EXOC4: variants seen among roughly 807,000 people sequenced by gnomAD.
The protein encoded by EXOC4 is exocyst complex component 4, also known as SEC8-like 1.
Under a neutral mutation model 107.2 loss-of-function variants are expected in EXOC4, and 71 were observed. The ratio of observed to expected loss-of-function variants is 0.66; its 90% CI spans 0.55 to 0.81. The LOEUF is 0.81. Ranked by LOEUF, EXOC4 falls within the 30% of genes least tolerant of loss-of-function variation. EXOC4 has a pLI of 0.00. For synonymous variants in EXOC4, 456 were observed against 441.2 expected, an observed-to-expected ratio of 1.03 and a Z score of -0.42; for missense variants, 1,108 against 1,189.6, an observed-to-expected ratio of 0.93 and a Z score of 1.01.
intron 11 of EXOC4, among the ~76,000 whole-genome samples, chr7:133,834,454 G>A (rs1347146846): frequency 6.6e-6 from 1 of 152,200 alleles, no homozygotes; most frequent in Non-Finnish European, 1.5e-5. Context: ...AAAGGGTATG[G>A]GGCAGGACTT....
At chr7:133,496,330 G>T (rs1799476498) in intron 9 of EXOC4, among the ~76,000 whole-genome samples, 1 of 151,930 alleles carries the variant, frequency 6.6e-6, no homozygotes, top group Non-Finnish European at 1.5e-5. Flanking sequence ...ATCACACCTG[G>T]CCAATTTTAG....
chr7:133,817,341 G>T lies in EXOC4; in HGVS notation c.1531G>T (p.Glu511Ter), dbSNP rs1446936793. 1.2e-6 allele frequency: 2 copies of T among 1,613,406 alleles called. No individual in the cohort carries two copies. Among genetic ancestry groups the T allele is most frequent in the South Asian group, 2.2e-5 (2 of 90,978 alleles). Residue 511 changes from glutamate (E) to a stop codon, truncating the protein, a stop_gained, in exon 11 of 18, where the codon GAG becomes TAG. Transcript: ENST00000253861. LOFTEE classifies it high-confidence loss of function. ...HPLLRFIQEI[E>*]HALGLGPAKQ... The stretch of plus-strand genomic sequence containing the variant: ...GTCCTCCAGATTTATTCAGGAGATT[G>T]AGCATGCTCTGGGTCTTGGCCCAGC...
intron 10 of EXOC4, among the ~76,000 whole-genome samples, chr7:133,781,666 A>G (rs761265166): frequency 3.3e-5 from 5 of 152,186 alleles, no homozygotes; most frequent in African/African-American, 9.7e-5. Flanking sequence ...GGAGAGATTG[A>G]TATGTCCCCA....
intron 13 of EXOC4, among the ~76,000 whole-genome samples, chr7:133,929,769 C>T (rs553302018): frequency 6.6e-6 from 1 of 152,082 alleles, no homozygotes; most frequent in South Asian, 2.1e-4. Flanking sequence ...CCCTTCTTTG[C>T]GTCAATGTGT....
At position 133,309,842 on chromosome 7, in the gene EXOC4, T is replaced by C. The variant is rs577624397; in HGVS notation, c.656+3781T>C. The stretch of plus-strand genomic sequence containing the variant: ...GTAGTCCCAGCTACTCAGGAGGCTG[T>C]GGCAGGAGACTCACTTGAACCCAGG... On this transcript the variant is annotated intron_variant, in intron 4 of 17. Transcript: ENST00000253861. Among the ~76,000 whole-genome samples the C allele has an allele frequency of 4.6e-5, 7 of 152,074 alleles. No individual in the cohort carries two copies. In the East Asian group the frequency reaches 1.4e-3, roughly 30 times the overall value.
intron 11 of EXOC4, 97 bp from the exon 12 acceptor site, chr7:133,895,502 C>A: frequency 8.0e-7 from 1 of 1,252,520 alleles, no homozygotes; most frequent in Non-Finnish European, 1.1e-6. Flanking sequence ...CAGGAGAGCT[C>A]AGGTACCTTA....
rs1056508595 is a variant in EXOC4, at chr7:134,051,541, A to G, written c.2688-12750A>G. ...CAAAAAATTAGCTGGGTGTGGTGGCACATGCCTGTAATCCCAGCTACTCCG... is the reference window on the plus strand; with the variant it reads ...CAAAAAATTAGCTGGGTGTGGTGGCGCATGCCTGTAATCCCAGCTACTCCG... On this transcript the variant is annotated intron_variant, in intron 17 of 17. Coordinates refer to ENST00000253861, the MANE Select transcript of EXOC4 (RefSeq NM_021807.4). Among the ~76,000 whole-genome samples the G allele has an allele frequency of 7.9e-5, 12 of 151,940 alleles. 1 individual carries two copies. The highest frequency in any genetic ancestry group is 1.3e-4 in the Admixed American group (2 of 15,266).
At chr7:134,038,874 G>A (rs1465762910) in intron 17 of EXOC4, among the ~76,000 whole-genome samples, 1 of 152,162 alleles carries the variant, frequency 6.6e-6, no homozygotes, top group Non-Finnish European at 1.5e-5. Flanking sequence ...AGGATGCTGA[G>A]AATCAAGATG....
At chr7:134,096,907 C>G in the EXOC4 span, among the ~76,000 whole-genome samples, 1 of 151,952 alleles carries the variant, frequency 6.6e-6, no homozygotes, top group Non-Finnish European at 1.5e-5. Context: ...AGGAACAATA[C>G]TTTGCATTCT....
At chr7:133,833,913 A>G (rs572633072) in intron 11 of EXOC4, among the ~76,000 whole-genome samples, 1 of 152,146 alleles carries the variant, frequency 6.6e-6, no homozygotes, top group Non-Finnish European at 1.5e-5. Flanking sequence ...GGCCAGTTAG[A>G]ACCTCACTTA....
chr7:134,012,549 G>T (rs192832568), intron 17 of EXOC4, among the ~76,000 whole-genome samples: 8 of 152,260 alleles, frequency 5.3e-5, no homozygotes, highest in Non-Finnish European at 8.8e-5. Flanking sequence ...AGGGCGGAGA[G>T]GGGGTTCAGA....
At position 133,604,710 on chromosome 7, in the gene EXOC4, C is replaced by CTTTT. The variant is rs61548710; in HGVS notation, c.1418-25307_1418-25304dup. Among the ~76,000 whole-genome samples the CTTTT allele has an allele frequency of 6.9e-3, 349 of 50,314 alleles. 8 individuals are homozygous for CTTTT. Among genetic ancestry groups the CTTTT allele is most frequent in the Non-Finnish European group, 7.3e-3 (212 of 29,014 alleles). 33.0% of individuals were successfully genotyped at this position (50,314 alleles called of 152,430 possible). On this transcript the variant is annotated intron_variant, in intron 9 of 17. Coordinates refer to ENST00000253861, the MANE Select transcript of EXOC4 (RefSeq NM_021807.4). The stretch of plus-strand genomic sequence containing the variant: ...TCTTTCCTTCCTTCCTTCCTTCTTT[C>CTTTT]TTTTTTTTTTTTTTTTTTTTTTTTT...
chr7:133,564,438 A>AT (rs1183333519), intron 9 of EXOC4, among the ~76,000 whole-genome samples: 1 of 151,996 alleles, frequency 6.6e-6, no homozygotes, highest in African/African-American at 2.4e-5. Context: ...GGGGAGTAAA[A>AT]TTTTTCTACA....
chr7:134,079,965 T>C, the EXOC4 span, among the ~76,000 whole-genome samples: 2 of 152,216 alleles, frequency 1.3e-5, no homozygotes, highest in East Asian at 3.9e-4. Flanking sequence ...CCTTGGACTC[T>C]GATCACGCCA....
intron 10 of EXOC4, among the ~76,000 whole-genome samples, chr7:133,792,553 CAAAAAAAAA>C (rs56408972): frequency 1.8e-4 from 13 of 73,580 alleles, no homozygotes; most frequent in African/African-American, 6.3e-4. Flanking sequence ...ACCCTGTCTC[CAAAAAAAAA>C]AAAAAAAAAA....
chr7:133,756,494 A>G (rs750840956), intron 10 of EXOC4, among the ~76,000 whole-genome samples: 1 of 152,226 alleles, frequency 6.6e-6, no homozygotes, highest in Non-Finnish European at 1.5e-5. Context: ...GATACTCTGA[A>G]TGTTATAATC....
chr7:133,831,625 A>G lies in EXOC4; in HGVS notation c.1734+14081A>G, dbSNP rs116054165. Among the ~76,000 whole-genome samples the G allele has an allele frequency of 2.4e-3, 359 of 150,066 alleles. 5 individuals carry two copies. The highest frequency in any genetic ancestry group is 8.2e-3 in the African/African-American group (335 of 40,654). On this transcript the variant is annotated intron_variant, in intron 11 of 17. Transcript: ENST00000253861. The stretch of plus-strand genomic sequence containing the variant: ...ACAAGGTGCTCCTGGCTCATCTTGT[A>G]TATTGCCTGCCCCAGCCCTAGAATC...
chr7:133,501,188 C>T (rs920232955), intron 9 of EXOC4, among the ~76,000 whole-genome samples: 2 of 152,096 alleles, frequency 1.3e-5, no homozygotes, highest in Non-Finnish European at 2.9e-5. Flanking sequence ...TTTGTAAGTT[C>T]TGAATAAATC....
At chr7:133,431,888 CAG>C (rs1797864108) in intron 7 of EXOC4, among the ~76,000 whole-genome samples, 1 of 152,180 alleles carries the variant, frequency 6.6e-6, no homozygotes, top group East Asian at 1.9e-4. Flanking sequence ...TTATGGGAAA[CAG>C]TGTGTTCAAT....
Sources: gnomAD v4.1 joint callset for allele counts (sites outside exome capture counted in the v4.1 genomes callset) on GRCh38, gnomAD v4.1.1 for gene constraint, MANE v1.5 for transcripts, NCBI Gene and HGNC (gene_info 2026-07-23, HGNC 2026-07-21) for gene names.